Variants in SPOCK3 observed in about 807,000 individuals in gnomAD.
SPOCK3 encodes the protein testican-3.
A neutral mutation model predicts 56.6 loss-of-function variants in SPOCK3; 30 were observed. The ratio of observed to expected loss-of-function variants is 0.53; its 90% CI spans 0.40 to 0.72. SPOCK3 has a LOEUF of 0.72. Among genes scored for constraint, SPOCK3 ranks in the 30% least tolerant of loss-of-function variants. The pLI, the probability that SPOCK3 is intolerant of heterozygous loss-of-function variation, is 0.00. For missense variants in SPOCK3, 527 were observed against 530.0 expected (o/e 0.99, Z 0.06); for synonymous variants, 196 against 183.3 (o/e 1.07, Z -0.56).
chr4:166,762,248 G>C (rs926280012), intron 7 of SPOCK3, among the ~76,000 whole-genome samples: 1 of 152,010 alleles, frequency 6.6e-6, no homozygotes, highest in African/African-American at 2.4e-5. Flanking sequence ...ATGTAGATTA[G>C]GTCCCTATTA....
intron 7 of SPOCK3, among the ~76,000 whole-genome samples, chr4:166,789,955 T>A (rs1052242327): frequency 6.6e-6 from 1 of 152,070 alleles, no homozygotes; most frequent in Non-Finnish European, 1.5e-5. Flanking sequence ...CTCACAGAAA[T>A]AAAAGCATAA....
intron 7 of SPOCK3, among the ~76,000 whole-genome samples, chr4:166,787,700 T>A (rs922938255): frequency 2.6e-5 from 4 of 152,286 alleles, no homozygotes; most frequent in Non-Finnish European, 5.9e-5. Context: ...CACATAATTT[T>A]AAAAAGACTG....
chr4:167,191,927 T>C (rs2110852017), intron 2 of SPOCK3, among the ~76,000 whole-genome samples: 1 of 145,738 alleles, frequency 6.9e-6, no homozygotes, highest in Admixed American at 7.0e-5. Flanking sequence ...CTCATATATG[T>C]TCTTCATTAA....
intron 6 of SPOCK3, among the ~76,000 whole-genome samples, chr4:166,856,928 A>C (rs1730749040): frequency 6.6e-6 from 1 of 152,066 alleles, no homozygotes; most frequent in Admixed American, 6.6e-5. Flanking sequence ...AATCATATGT[A>C]CACTAAAGCA....
chr4:166,837,007 T>C (rs2126813375), intron 6 of SPOCK3, among the ~76,000 whole-genome samples: 1 of 152,328 alleles, frequency 6.6e-6, no homozygotes, highest in East Asian at 1.9e-4. Flanking sequence ...TCGCTCCCAT[T>C]GCAAGACCTC....
At chr4:166,793,349 G>A (rs1250324788) in intron 6 of SPOCK3, among the ~76,000 whole-genome samples, 1 of 151,974 alleles carries the variant, frequency 6.6e-6, no homozygotes, top group African/African-American at 2.4e-5. Context: ...CTAAAGTAGG[G>A]GTATCCAATA....
chr4:166,989,510 C>CTGT (rs1747541734), intron 4 of SPOCK3, among the ~76,000 whole-genome samples: 1 of 152,038 alleles, frequency 6.6e-6, no homozygotes, highest in South Asian at 2.1e-4. Flanking sequence ...GTCTTATGTG[C>CTGT]TACAGCTTTT....
chr4:167,058,471 C>A (rs966745976), intron 3 of SPOCK3, among the ~76,000 whole-genome samples: 3 of 152,094 alleles, frequency 2.0e-5, no homozygotes, highest in African/African-American at 7.2e-5. Flanking sequence ...TCAAGGAGAA[C>A]TACAAACCAC....
intron 6 of SPOCK3, among the ~76,000 whole-genome samples, chr4:166,793,791 T>A (rs528980217): frequency 6.6e-6 from 1 of 152,240 alleles, no homozygotes; most frequent in South Asian, 2.1e-4. Context: ...CATAGCAACA[T>A]AAAAATTATT....
chr4:167,132,800 T>C (rs1762805422), intron 2 of SPOCK3, among the ~76,000 whole-genome samples: 1 of 152,116 alleles, frequency 6.6e-6, no homozygotes, highest in Non-Finnish European at 1.5e-5. Flanking sequence ...TCTACACACT[T>C]TCTCCTTCTT....
intron 2 of SPOCK3, among the ~76,000 whole-genome samples, chr4:167,102,209 T>C (rs947239354): frequency 6.6e-6 from 1 of 152,058 alleles, no homozygotes; most frequent in Admixed American, 6.5e-5. Context: ...CATCTCTTTT[T>C]TCAGCTGTTA....
chr4:166,900,495 G>A (rs999453382), intron 5 of SPOCK3, among the ~76,000 whole-genome samples: 5 of 152,120 alleles, frequency 3.3e-5, no homozygotes, highest in Non-Finnish European at 7.4e-5. Context: ...CTTAGGTAGC[G>A]AATAAGATGC....
At chr4:167,023,274 C>A (rs1339884622) in intron 3 of SPOCK3, among the ~76,000 whole-genome samples, 14 of 151,784 alleles carry the variant, frequency 9.2e-5, no homozygotes, top group African/African-American at 3.1e-4. Flanking sequence ...CTTTTATGAA[C>A]TCAGAAAAAA....
chr4:167,149,529 C>G (rs1764233879), intron 2 of SPOCK3, among the ~76,000 whole-genome samples: 1 of 151,972 alleles, frequency 6.6e-6, no homozygotes, highest in Non-Finnish European at 1.5e-5. Flanking sequence ...TATAGATTCT[C>G]CTGTTGCTTG....
intron 2 of SPOCK3, among the ~76,000 whole-genome samples, chr4:167,202,898 T>A (rs1476263750): frequency 6.6e-6 from 1 of 151,932 alleles, no homozygotes; most frequent in African/African-American, 2.4e-5. Context: ...TTAATAGTAA[T>A]TTTTTCTCTC....
intron 2 of SPOCK3, among the ~76,000 whole-genome samples, chr4:167,066,795 G>A (rs1293228010): frequency 6.6e-6 from 1 of 151,720 alleles, no homozygotes. Context: ...TATAAATACA[G>A]AATATAACTA....
intron 2 of SPOCK3, among the ~76,000 whole-genome samples, chr4:167,224,959 C>G (rs144034607): frequency 4.6e-5 from 7 of 152,058 alleles, no homozygotes; most frequent in Non-Finnish European, 1.5e-5. Context: ...GCCACCACAC[C>G]CATCCAAAAC....
At chr4:167,035,226 A>C (rs1261204797) in intron 3 of SPOCK3, among the ~76,000 whole-genome samples, 1 of 152,148 alleles carries the variant, frequency 6.6e-6, no homozygotes, top group Non-Finnish European at 1.5e-5. Flanking sequence ...ATGACTCAAG[A>C]GACCTGATGT....
At chr4:167,136,706 T>G (rs962719486) in intron 2 of SPOCK3, among the ~76,000 whole-genome samples, 2 of 152,150 alleles carry the variant, frequency 1.3e-5, no homozygotes, top group African/African-American at 4.8e-5. Flanking sequence ...CATTTTATAA[T>G]TTTTTAAAAT....
Sources: allele counts gnomAD v4.1 joint callset (sites outside exome capture counted in the v4.1 genomes callset), GRCh38; gene constraint gnomAD v4.1.1; transcripts MANE v1.5; gene names NCBI Gene and HGNC (gene_info 2026-07-23, HGNC 2026-07-21).